Variants in ZNF596 observed in about 807,000 individuals in gnomAD.
ZNF596 encodes the protein zinc finger protein 596.
A neutral mutation model predicts 48.3 loss-of-function variants in ZNF596; 45 were observed. The observed-to-expected ratio is 0.93, with a 90% confidence interval of 0.73 to 1.19. ZNF596 has a LOEUF of 1.19. ZNF596 is among the 50% of genes most tolerant of loss of function. The pLI is 0.00. For synonymous variants in ZNF596, 270 were observed against 202.0 expected (o/e 1.34, Z -2.85); for missense variants, 848 against 599.7 (o/e 1.41, Z -4.32).
At chr8:240,567 C>G in intron 1 of ZNF596, 1 of 297,240 alleles carries the variant, frequency 3.4e-6, no homozygotes, top group Non-Finnish European at 6.2e-6. Flanking sequence ...TTAAACATTT[C>G]AGAATTCCAT....
intron 1 of ZNF596, among the ~76,000 whole-genome samples, chr8:236,199 C>G (rs1294835001): frequency 2.6e-5 from 4 of 152,094 alleles, no homozygotes; most frequent in Admixed American, 2.0e-4. Context: ...TAAATAGACA[C>G]TGATTTTGTG....
At chr8:237,298 ATTATT>A (rs1405131900) in intron 1 of ZNF596, 1 of 151,940 alleles carries the variant, frequency 6.6e-6, no homozygotes, top group African/African-American at 2.4e-5. Context: ...CATTCATTAC[ATTATT>A]TTATTATTTA....
chr8:240,931 A>T, intron 2 of ZNF596, 24 bp downstream of exon 2: 2 of 1,613,956 alleles, frequency 1.2e-6, no homozygotes, highest in East Asian at 4.5e-5. Flanking sequence ...TCTTCTTTCT[A>T]CTGAAATTTG....
At chr8:243,501 A>C (rs1584912205) in intron 3 of ZNF596, 1 of 435,100 alleles carries the variant, frequency 2.3e-6, no homozygotes, top group East Asian at 3.8e-5. Flanking sequence ...ATTTGAAGTG[A>C]GGCATGGCCA....
chr8:243,240 A>G (rs1342242926), intron 3 of ZNF596: 1 of 381,066 alleles, frequency 2.6e-6, no homozygotes, highest in Middle Eastern at 7.3e-4. Context: ...TTCTGACCAC[A>G]GTTTCACATC....
rs777464318 is a variant in ZNF596, at chr8:243,111, G to A, written c.139+98G>A. The A allele has an allele frequency of 2.6e-4, 298 of 1,135,332 alleles. No individual in the cohort carries two copies. The African/African-American group carries it at 4.5e-3, about 17-fold the overall frequency. 70.3% of individuals were successfully genotyped at this position (1,135,332 alleles called of 1,614,324 possible). A position where few individuals can be genotyped will look rare whatever the true frequency, so the allele number is the denominator to read the frequency against. On this transcript the variant is annotated intron_variant, in intron 3 of 5. Coordinates refer to ENST00000398612, the MANE Select transcript of ZNF596 (RefSeq NM_001042416.3). ...TTTCATTCTACACGTGCTTAGAACA[G>A]CTTTCTCATCTATCACTTCAACTTC... is the stretch of plus-strand genomic sequence containing the variant.
At chr8:244,435 T>C (rs1206431882) in intron 4 of ZNF596, 184 bp from the exon 5 acceptor site, 6 of 578,332 alleles carry the variant, frequency 1.0e-5, no homozygotes, top group Non-Finnish European at 1.5e-5. Context: ...GCCTTTATTT[T>C]TTTATATGCT....
Position 240,901 on chromosome 8 carries a change from A to G in ZNF596, c.6A>G (p.Pro2=), listed in dbSNP as rs1796827350. The change falls in exon 2 of 6, where the codon CCA becomes CCG. Residue 2 remains proline (P), a synonymous_variant. Coordinates refer to ENST00000398612, the MANE Select transcript of ZNF596 (RefSeq NM_001042416.3). The part of the protein sequence containing the change: M[P]SPDSMTFEDI... ...TTGGTGGCTGAGCTAGTACAATGCCATCACCGGTGAGTGGGAAATTCTTCT... is the reference window on the plus strand; with the variant it reads ...TTGGTGGCTGAGCTAGTACAATGCCGTCACCGGTGAGTGGGAAATTCTTCT... The G allele has an allele frequency of 6.2e-7, 1 of 1,614,120 alleles. No homozygotes were observed. The highest frequency in any genetic ancestry group is 1.3e-5 in the African/African-American group (1 of 75,022).
At chr8:243,664 A>C in intron 3 of ZNF596, 58 bp from the exon 4 acceptor site, 1 of 1,570,736 alleles carries the variant, frequency 6.4e-7, no homozygotes, top group Non-Finnish European at 8.7e-7. Context: ...GTATCTGATA[A>C]CCTTGTACAT....
chr8:244,442 T>C, intron 4 of ZNF596, 177 bp from the exon 5 acceptor site: 1 of 584,840 alleles, frequency 1.7e-6, no homozygotes, highest in Non-Finnish European at 3.0e-6. Flanking sequence ...TTTTTTTATA[T>C]GCTGAAAATG....
At chr8:236,328 C>T (rs1432172409) in intron 1 of ZNF596, among the ~76,000 whole-genome samples, 3 of 152,026 alleles carry the variant, frequency 2.0e-5, no homozygotes, top group Non-Finnish European at 4.4e-5. Context: ...GAATTGATTC[C>T]ACTTTTTCAA....
Position 244,698 on chromosome 8 carries a change from A to C in ZNF596, c.303A>C (p.Thr101=). The change falls in exon 5 of 6, where the codon ACA becomes ACC. Residue 101 remains threonine (T), a synonymous_variant. Transcript: ENST00000398612. ...IYQKGTSTIS[T]MRSHTQEDPF... ...AGAAGGGCACGTCCACCATCAGCACAATGGTAAGCTTTATGGATGCAAACC... is the reference window on the plus strand; with the variant it reads ...AGAAGGGCACGTCCACCATCAGCACCATGGTAAGCTTTATGGATGCAAACC... 6.2e-7 allele frequency: 1 copy of C among 1,611,698 alleles called. No homozygotes were observed. Among genetic ancestry groups the C allele is most frequent in the South Asian group, 1.1e-5 (1 of 90,808 alleles).
chr8:242,788 A>G, intron 2 of ZNF596, 99 bp from the exon 3 acceptor site: 1 of 1,200,384 alleles, frequency 8.3e-7, no homozygotes, highest in Non-Finnish European at 1.1e-6. Flanking sequence ...TTTTCTGTTC[A>G]TACCACCCAC....
Position 245,985 on chromosome 8 carries a change from C to T in ZNF596, c.1138C>T (p.Arg380Ter), listed in dbSNP as rs140067348. The stretch of plus-strand genomic sequence containing the variant: ...ATTCACTGAATCTTCTGTGCTTAAA[C>T]GACATGAGAGAATTCACACTGGAGA... ...KAFTESSVLK[R>*]HERIHTGEKP... The change falls in exon 6 of 6, where the codon CGA becomes TGA. Residue 380 changes from arginine (R) to a stop codon, truncating the protein, a stop_gained. Transcript: ENST00000398612. LOFTEE classifies it high-confidence loss of function. 160 of 1,613,818 alleles carry T rather than the reference C, an allele frequency of 9.9e-5. No homozygotes were observed. The highest frequency in any genetic ancestry group is 1.2e-4 in the Non-Finnish European group (143 of 1,179,986).
At chr8:232,912 C>A (rs1428137865) in intron 1 of ZNF596, 1 of 468,884 alleles carries the variant, frequency 2.1e-6, no homozygotes, top group Non-Finnish European at 4.4e-6. Flanking sequence ...CCTGCCCGAT[C>A]CTGTAACAAC....
intron 1 of ZNF596, among the ~76,000 whole-genome samples, chr8:236,242 A>G (rs547721627): frequency 9.9e-4 from 151 of 152,330 alleles, no homozygotes; most frequent in Non-Finnish European, 1.9e-3. Context: ...ATGTTGCTAA[A>G]CAGGAAATAT....
intron 2 of ZNF596, among the ~76,000 whole-genome samples, chr8:241,285 AAGTG>A (rs1260828999): frequency 6.6e-6 from 1 of 152,134 alleles, no homozygotes; most frequent in Non-Finnish European, 1.5e-5. Flanking sequence ...TGGTGAAAAT[AAGTG>A]AGAGCAGGTT....
Position 243,794 on chromosome 8 carries a change from G to A in ZNF596, c.212G>A (p.Ser71Asn). The A allele has an allele frequency of 6.2e-7, 1 of 1,613,326 alleles. No individual in the cohort carries two copies. Among genetic ancestry groups the A allele is most frequent in the Admixed American group, 1.7e-5 (1 of 60,004 alleles). Residue 71 changes from serine (S) to asparagine (N), a missense_variant, in exon 4 of 6, where the codon AGC becomes AAC. Ser to Asn is a conservative substitution (Grantham distance 46). Transcript: ENST00000398612. ...QVEKLSTQRI[S>N]LLQGREVGIK... ...GAGAAACTTTCAACACAAAGAATAA[G>A]CTTACTGCAAGGTGAGCTCTAAGAA...
intron 1 of ZNF596, among the ~76,000 whole-genome samples, chr8:238,567 G>A (rs191427010): frequency 2.7e-5 from 4 of 146,436 alleles, no homozygotes; most frequent in Non-Finnish European, 5.9e-5. Context: ...TTGAGAGGCC[G>A]AGGTAGGCAG....
Sources: gnomAD v4.1 joint callset for allele counts (sites outside exome capture counted in the v4.1 genomes callset) on GRCh38, gnomAD v4.1.1 for gene constraint, MANE v1.5 for transcripts, NCBI Gene and HGNC (gene_info 2026-07-23, HGNC 2026-07-21) for gene names.